Variants in GPM6A observed in about 807,000 individuals in gnomAD.
GPM6A encodes the protein glycoprotein M6A, also known as neuronal membrane glycoprotein M6-a.
A neutral mutation model predicts 32.1 loss-of-function variants in GPM6A; 7 were observed. That is an observed-to-expected ratio of 0.22 (90% CI 0.12 to 0.41). The LOEUF is 0.41. GPM6A is among the 10% of genes least tolerant of loss of function. GPM6A has a pLI of 1.00. For missense variants in GPM6A, 235 were observed against 347.2 expected, an observed-to-expected ratio of 0.68 and a Z score of 2.57; for synonymous variants, 130 against 123.4, an observed-to-expected ratio of 1.05 and a Z score of -0.35.
chr4:175,646,204 C>T (rs75604819), intron 4 of GPM6A, among the ~76,000 whole-genome samples: 1 of 152,272 alleles, frequency 6.6e-6, no homozygotes, highest in Admixed American at 6.5e-5. Flanking sequence ...GAATACCAAA[C>T]AGAGGCTTAG....
At chr4:175,880,306 G>A (rs934990894) in intron 1 of GPM6A, among the ~76,000 whole-genome samples, 5 of 152,188 alleles carry the variant, frequency 3.3e-5, no homozygotes, top group Non-Finnish European at 7.3e-5. Context: ...AGTATAGTTT[G>A]AAGTCAGGTA....
intron 1 of GPM6A, among the ~76,000 whole-genome samples, chr4:175,890,020 G>A (rs1019254165): frequency 6.6e-6 from 1 of 152,050 alleles, no homozygotes; most frequent in Non-Finnish European, 1.5e-5. Flanking sequence ...AGCCATGCAC[G>A]AAATTGGAAA....
intron 1 of GPM6A, among the ~76,000 whole-genome samples, chr4:175,913,110 A>G (rs1408614883): frequency 2.0e-5 from 3 of 152,228 alleles, no homozygotes; most frequent in Non-Finnish European, 4.4e-5. Flanking sequence ...GTCATTGCAA[A>G]TAAGTGCAAA....
At chr4:175,735,718 C>T (rs779954198) in intron 1 of GPM6A, among the ~76,000 whole-genome samples, 35 of 152,092 alleles carry the variant, frequency 2.3e-4, no homozygotes, top group Admixed American at 1.2e-3. Context: ...TGCCACCACG[C>T]CCAGCTAATT....
intron 1 of GPM6A, among the ~76,000 whole-genome samples, chr4:175,888,000 C>CTT (rs1194667346): frequency 6.6e-6 from 1 of 151,768 alleles, no homozygotes; most frequent in African/African-American, 2.4e-5. Flanking sequence ...CTACATAAAT[C>CTT]TTAATACCAA....
At chr4:175,937,212 G>C (rs1739268890) in intron 1 of GPM6A, among the ~76,000 whole-genome samples, 1 of 150,250 alleles carries the variant, frequency 6.7e-6, no homozygotes, top group African/African-American at 2.5e-5. Context: ...TTACTCTATG[G>C]AAATACTGAC....
At chr4:175,722,256 C>T (rs1365033240) in intron 1 of GPM6A, among the ~76,000 whole-genome samples, 2 of 152,092 alleles carry the variant, frequency 1.3e-5, no homozygotes, top group African/African-American at 2.4e-5. Context: ...CACCACTGCA[C>T]TCCAGCTGGG....
chr4:175,884,926 G>A (rs1198170627), intron 1 of GPM6A, among the ~76,000 whole-genome samples: 1 of 152,128 alleles, frequency 6.6e-6, no homozygotes, highest in Non-Finnish European at 1.5e-5. Context: ...AAATTTGGAA[G>A]TTCTTTGAGA....
Position 175,634,817 on chromosome 4 carries a change from TC to T in GPM6A, c.*87del. The T allele has an allele frequency of 9.7e-7, 1 of 1,026,056 alleles. No homozygotes were observed. The highest frequency in any genetic ancestry group is 1.6e-5 in the African/African-American group (1 of 62,506). The allele number at this position is 1,026,056 out of a possible 1,614,324, so 63.6% of individuals were successfully genotyped here. A position where few individuals can be genotyped will look rare whatever the true frequency, so the allele number is the denominator to read the frequency against. ...TACATATCATTGATGAGAAGCACTT[TC>T]GTTTTGTTTTTTAAAGGTTGGATGG... On this transcript the variant is annotated 3_prime_UTR_variant, in exon 7 of 7. Coordinates refer to ENST00000393658, the MANE Select transcript of GPM6A (RefSeq NM_201591.3).
At chr4:175,644,091 T>G (rs962981732) in intron 4 of GPM6A, among the ~76,000 whole-genome samples, 1 of 151,838 alleles carries the variant, frequency 6.6e-6, no homozygotes, top group Non-Finnish European at 1.5e-5. Flanking sequence ...CTCTACTTTC[T>G]TTCATTCCTG....
intron 1 of GPM6A, among the ~76,000 whole-genome samples, chr4:175,755,280 AAT>A (rs201236446): frequency 2.7e-5 from 4 of 150,360 alleles, no homozygotes; most frequent in East Asian, 4.0e-4. Context: ...AATGAAAAAA[AAT>A]AAACAAATAT....
At chr4:175,722,908 G>T (rs1347419930) in intron 1 of GPM6A, among the ~76,000 whole-genome samples, 1 of 151,860 alleles carries the variant, frequency 6.6e-6, no homozygotes, top group African/African-American at 2.4e-5. Flanking sequence ...AATGAGCTGG[G>T]CATGGTGGTA....
At chr4:175,751,580 G>A (rs1732338493) in intron 1 of GPM6A, among the ~76,000 whole-genome samples, 1 of 151,974 alleles carries the variant, frequency 6.6e-6, no homozygotes, top group African/African-American at 2.4e-5. Context: ...TGGGGTTTCT[G>A]GAGAGAGAGA....
chr4:175,951,834 T>A (rs1427199544), intron 1 of GPM6A, among the ~76,000 whole-genome samples: 1 of 152,166 alleles, frequency 6.6e-6, no homozygotes, highest in Non-Finnish European at 1.5e-5. Flanking sequence ...TTGCCCTGCA[T>A]AATGAGGTGG....
chr4:175,982,318 A>T (rs1185538268), intron 1 of GPM6A, among the ~76,000 whole-genome samples: 1 of 152,170 alleles, frequency 6.6e-6, no homozygotes, highest in Non-Finnish European at 1.5e-5. Flanking sequence ...ATATTTGCTT[A>T]ACATAAGGTC....
At chr4:175,783,221 C>T (rs1470470712) in intron 1 of GPM6A, among the ~76,000 whole-genome samples, 1 of 151,860 alleles carries the variant, frequency 6.6e-6, no homozygotes, top group Non-Finnish European at 1.5e-5. Context: ...CCTTGTCACC[C>T]TATTTTCATC....
chr4:175,871,772 C>T (rs756580310), intron 1 of GPM6A, among the ~76,000 whole-genome samples: 6 of 152,150 alleles, frequency 3.9e-5, no homozygotes, highest in Non-Finnish European at 8.8e-5. Flanking sequence ...GACTCTTTAA[C>T]CTTGGACTAA....
chr4:175,672,287 CGTT>C (rs1362475879), intron 3 of GPM6A, among the ~76,000 whole-genome samples: 4 of 152,234 alleles, frequency 2.6e-5, no homozygotes, highest in African/African-American at 7.2e-5. Flanking sequence ...ATCACAGACT[CGTT>C]GAGCTGGAAT....
intron 1 of GPM6A, among the ~76,000 whole-genome samples, chr4:175,747,278 A>T (rs75778661): frequency 0.22 from 32,677 of 150,964 alleles, 3,930 homozygotes; most frequent in East Asian, 0.25. Context: ...CCAAAAAAAA[A>T]AAAAAAAAAA....
Sources: gnomAD v4.1 joint callset for allele counts (sites outside exome capture counted in the v4.1 genomes callset) on GRCh38, gnomAD v4.1.1 for gene constraint, MANE v1.5 for transcripts, NCBI Gene and HGNC (gene_info 2026-07-23, HGNC 2026-07-21) for gene names.